The following IKBKE variants were observed in gnomAD, a reference collection of about 807,000 sequenced individuals.
IKBKE encodes the protein inhibitor of nuclear factor kappa-B kinase subunit epsilon.
Under a neutral mutation model 92.1 loss-of-function variants are expected in IKBKE, and 45 were observed. That is an observed-to-expected ratio of 0.49 (90% CI 0.38 to 0.63). The LOEUF is 0.63. Ranked by LOEUF, IKBKE falls within the 20% of genes least tolerant of loss-of-function variation. The pLI is 0.00. For synonymous variants in IKBKE, 374 were observed against 380.3 expected (o/e 0.98, Z 0.19); for missense variants, 700 against 932.8 (o/e 0.75, Z 3.25).
chr1:206,495,394 G>A (rs562411409), intron 21 of IKBKE, among the ~76,000 whole-genome samples: 3 of 152,322 alleles, frequency 2.0e-5, no homozygotes, highest in East Asian at 1.9e-4. Context: ...TGCGCATAGG[G>A]GGGTGTGGAG....
intron 18 of IKBKE, chr1:206,492,409 AC>A (rs782483159): frequency 7.0e-5 from 33 of 469,602 alleles, no homozygotes; most frequent in African/African-American, 6.2e-4. Context: ...TGGGGCTGAG[AC>A]CTTGGCACTC....
At position 206,490,901 on chromosome 1, in the gene IKBKE, G is replaced by A. The variant is rs376934858; in HGVS notation, c.1733+43G>A. The A allele has an allele frequency of 1.1e-5, 18 of 1,572,994 alleles. 1 individual carries two copies. The African/African-American group carries it at 1.6e-4, about 14-fold the overall frequency. On this transcript the variant is annotated intron_variant, in intron 17 of 21. Coordinates refer to ENST00000581977, the MANE Select transcript of IKBKE (RefSeq NM_014002.4). This position sits in a 1 kb window ranked among gnomAD's most constrained non-coding sequence, Gnocchi z 5.2. ...CGGCAGGTGGGTGGGCAGGAGGGTG[G>A]GTGTCCTCAGGGCAGAGCGATTCTC... is the stretch of plus-strand genomic sequence containing the variant.
At chr1:206,482,336 C>G (rs1327864733) in intron 13 of IKBKE, among the ~76,000 whole-genome samples, 1 of 152,148 alleles carries the variant, frequency 6.6e-6, no homozygotes, top group Non-Finnish European at 1.5e-5. Context: ...ATAAAACAAC[C>G]AGTAGAGAGC....
In IKBKE at chr1:206,476,460, G is replaced by T. The variant is rs2103455148; in HGVS notation, c.540+98G>T. 7.7e-7 allele frequency: 1 copy of T among 1,293,940 alleles called. No individual in the cohort carries two copies. Among genetic ancestry groups the T allele is most frequent in the Non-Finnish European group, 1.1e-6 (1 of 919,356 alleles). The allele number at this position is 1,293,940 out of a possible 1,614,324, so 80.2% of individuals were successfully genotyped here. On this transcript the variant is annotated intron_variant, in intron 6 of 21. Transcript: ENST00000581977. The surrounding 1 kb of genome is among the most constrained non-coding windows in gnomAD (Gnocchi z 5.1). ...CATGAGGGGGTGTGGCCCACCTCCT[G>T]CTTCCACAGGAGTTATGTCTCTCCC...
At chr1:206,489,363 GTGTGTGTATA>G (rs1264561584) in intron 16 of IKBKE, among the ~76,000 whole-genome samples, 2 of 28,336 alleles carry the variant, frequency 7.1e-5, no homozygotes, top group African/African-American at 1.8e-4. Context: ...GTGTGTGTGT[GTGTGTGTATA>G]TATATATATA....
chr1:206,490,727 G>A lies in IKBKE; in HGVS notation c.1694-92G>A, dbSNP rs147121557. ...CCCGTGAAGCAGCACAGGCTGGGCC[G>A]TCTTCATCTTTTAACTGTCTCTCGA... is the stretch of plus-strand genomic sequence containing the variant. On this transcript the variant is annotated intron_variant, in intron 16 of 21. Coordinates refer to ENST00000581977, the MANE Select transcript of IKBKE (RefSeq NM_014002.4). The surrounding 1 kb of genome is among the most constrained non-coding windows in gnomAD (Gnocchi z 5.2). The A allele has an allele frequency of 1.4e-3, 1,912 of 1,323,586 alleles. 1 individual carries two copies. The highest frequency in any genetic ancestry group is 1.7e-3 in the Non-Finnish European group (1,577 of 918,206). 82.0% of individuals were successfully genotyped at this position (1,323,586 alleles called of 1,614,324 possible). A position where few individuals can be genotyped will look rare whatever the true frequency, so the allele number is the denominator to read the frequency against.
rs148537876 is a variant in IKBKE at position 206,472,911 on chromosome 1, A to C, written c.-32-285A>C. 5.6e-4 allele frequency: 219 copies of C among 390,892 alleles called. 1 individual carries two copies. The highest frequency in any genetic ancestry group is 9.3e-4 in the Non-Finnish European group (200 of 215,976). The allele number at this position is 390,892 out of a possible 1,614,324, so 24.2% of individuals were successfully genotyped here. A position where few individuals can be genotyped will look rare whatever the true frequency, so the allele number is the denominator to read the frequency against. ...TTGTCTCTGCAGAATGACCTGCCTC[A>C]GGAGGGGCTTCAAGGGAACGTGGGG... On this transcript the variant is annotated intron_variant, in intron 2 of 21. Transcript: ENST00000581977.
Position 206,476,112 on chromosome 1 carries a change from C to CAAGATGAGCCTCAGACACT in IKBKE, c.359-67_359-49dup. The CAAGATGAGCCTCAGACACT allele has an allele frequency of 6.7e-7, 1 of 1,494,420 alleles. No homozygotes were observed. Among genetic ancestry groups the CAAGATGAGCCTCAGACACT allele is most frequent in the Middle Eastern group, 2.2e-4 (1 of 4,642 alleles). The allele number at this position is 1,494,420 out of a possible 1,614,324, so 92.6% of individuals were successfully genotyped here. On this transcript the variant is annotated intron_variant, in intron 5 of 21. Coordinates refer to ENST00000581977, the MANE Select transcript of IKBKE (RefSeq NM_014002.4). This position sits in a 1 kb window ranked among gnomAD's most constrained non-coding sequence, Gnocchi z 5.1. ...CTGGATGCAAGGACAGCCTTCCCACCAAGATGAGCCTCAGACACTAGACTG... is the reference window on the plus strand; with the variant it reads ...CTGGATGCAAGGACAGCCTTCCCACCAAGATGAGCCTCAGACACTAAGATGAGCCTCAGACACTAGACTG...
Position 206,485,921 on chromosome 1 carries a change from C to T in IKBKE, c.1616+615C>T, listed in dbSNP as rs1450365247. 6.6e-6 allele frequency among the ~76,000 whole-genome samples: 1 copy of T among 152,242 alleles called. No homozygotes were observed. Among genetic ancestry groups the T allele is most frequent in the African/African-American group, 2.4e-5 (1 of 41,460 alleles). ...CTGTGGGGAGCCGCTGCCTACCTTG[C>T]CGCTTCTGACCAGGGGATGGGTGGT... is the stretch of plus-strand genomic sequence containing the variant. On this transcript the variant is annotated intron_variant, in intron 15 of 21. Transcript: ENST00000581977. This position sits in a 1 kb window ranked among gnomAD's most constrained non-coding sequence, Gnocchi z 5.0.
At chr1:206,492,686 G>GCCCTGGTGTGGGCTATCCTCTGCCTCTC (rs782200147) in intron 18 of IKBKE, 179 of 519,658 alleles carry the variant, frequency 3.4e-4, no homozygotes, top group Non-Finnish European at 6.2e-4. Flanking sequence ...CACACTGAGA[G>GCCCTGGTGTGGGCTATCCTCTGCCTCTC]CCCTGGTGTG....
chr1:206,481,327 C>T (rs1665376314), intron 13 of IKBKE, among the ~76,000 whole-genome samples: 1 of 152,186 alleles, frequency 6.6e-6, no homozygotes, highest in Non-Finnish European at 1.5e-5. Flanking sequence ...CCTCCTCCCG[C>T]CACCCCCAGC....
At chr1:206,473,407 G>A (rs1553384334) in intron 3 of IKBKE, 93 bp downstream of exon 3, 6 of 889,946 alleles carry the variant, frequency 6.7e-6, no homozygotes, top group Non-Finnish European at 1.1e-5. Flanking sequence ...TGGGCATTGA[G>A]GGTGGTGGGA....
At chr1:206,483,429 G>A (rs1434965372) in intron 13 of IKBKE, among the ~76,000 whole-genome samples, 12 of 152,166 alleles carry the variant, frequency 7.9e-5, no homozygotes, top group South Asian at 2.1e-4. Flanking sequence ...TTCAGCATCC[G>A]TGCACTGACG....
At chr1:206,493,203 C>A in intron 19 of IKBKE, 63 bp from the exon 20 acceptor site, 1 of 1,559,216 alleles carries the variant, frequency 6.4e-7, no homozygotes, top group Non-Finnish European at 8.8e-7. Flanking sequence ...CTCCAGCACT[C>A]CCCCTACCCA....
intron 16 of IKBKE, among the ~76,000 whole-genome samples, chr1:206,489,313 A>G (rs1665814618): frequency 6.9e-6 from 1 of 144,274 alleles, no homozygotes; most frequent in African/African-American, 2.6e-5. Context: ...ACACATCTCT[A>G]TTGGGAAACT....
At chr1:206,483,754 T>A (rs1553387824) in intron 13 of IKBKE, among the ~76,000 whole-genome samples, 1 of 152,176 alleles carries the variant, frequency 6.6e-6, no homozygotes, top group African/African-American at 2.4e-5. Flanking sequence ...TTCTAGATAT[T>A]TTTCTACTAT....
At chr1:206,475,880 C>T (rs1665038770) in intron 5 of IKBKE, among the ~76,000 whole-genome samples, 1 of 152,022 alleles carries the variant, frequency 6.6e-6, no homozygotes, top group South Asian at 2.1e-4. Context: ...GCATATTTTA[C>T]CACAATTGAA....
intron 2 of IKBKE, among the ~76,000 whole-genome samples, chr1:206,472,211 A>C (rs1401795120): frequency 6.6e-6 from 1 of 152,142 alleles, no homozygotes; most frequent in African/African-American, 2.4e-5. Context: ...TGATTGTACC[A>C]CTGCACCCCA....
At chr1:206,493,160 G>T (rs907395567) in intron 19 of IKBKE, 41 bp downstream of exon 19, 5 of 1,568,708 alleles carry the variant, frequency 3.2e-6, no homozygotes, top group Non-Finnish European at 4.3e-6. Flanking sequence ...TGGGGATGCA[G>T]GCTGGGGCGC....
Sources: gnomAD v4.1 joint callset for allele counts (sites outside exome capture counted in the v4.1 genomes callset) on GRCh38, gnomAD v4.1.1 for gene constraint, Gnocchi (gnomAD v3.1) non-coding constraint, MANE v1.5 for transcripts, NCBI Gene and HGNC (gene_info 2026-07-23, HGNC 2026-07-21) for gene names.